Variants in GPR4 observed in about 807,000 individuals in gnomAD.
GPR4 encodes G protein-coupled receptor 4, also known as G-prodeshotein coupled receptor 4.
GPR4 carries 11 observed loss-of-function variants against 17.8 expected under a neutral mutation model. The observed-to-expected ratio is 0.62, with a 90% confidence interval of 0.39 to 1.02. GPR4 has a LOEUF of 1.02. Ranked by LOEUF, GPR4 falls within the 50% of genes least tolerant of loss-of-function variation. The probability of loss-of-function intolerance (pLI) is 0.00; values close to 1 mark genes in which losing one functional copy is unlikely to be tolerated. For synonymous variants in GPR4, 219 were observed against 222.8 expected (o/e 0.98, Z 0.15); for missense variants, 364 against 495.4 (o/e 0.73, Z 2.52).
intron 1 of GPR4, among the ~76,000 whole-genome samples, chr19:45,595,770 G>A (rs1404831464): frequency 1.3e-5 from 2 of 150,932 alleles, no homozygotes; most frequent in African/African-American, 4.9e-5. Flanking sequence ...ATCTTAACCA[G>A]AAACCAATCT....
chr19:45,600,719 G>A (rs1164907142), intron 1 of GPR4, among the ~76,000 whole-genome samples: 4 of 152,190 alleles, frequency 2.6e-5, no homozygotes, highest in Non-Finnish European at 5.9e-5. Context: ...TAAAATGGGG[G>A]CAGGGGGAGT....
chr19:45,601,617 T>C (rs1418932315), intron 1 of GPR4, among the ~76,000 whole-genome samples: 1 of 151,624 alleles, frequency 6.6e-6, no homozygotes, highest in Non-Finnish European at 1.5e-5. Context: ...AAAACAGTGT[T>C]ATAAGAGACG....
In GPR4 at chr19:45,590,043, C is replaced by T. The variant is rs923394073; in HGVS notation, c.*735G>A. ...TCATCCTCAGTCTTGACTTGGAGAT[C>T]GCTGTTTATCTAGAAACTTAGAATT... On this transcript the variant is annotated 3_prime_UTR_variant, in exon 2 of 2. Transcript: ENST00000323040. 6.6e-6 allele frequency: 1 copy of T among 152,226 alleles called. No homozygotes were observed. The highest frequency in any genetic ancestry group is 2.4e-5 in the African/African-American group (1 of 41,448). 9.4% of individuals were successfully genotyped at this position (152,226 alleles called of 1,614,324 possible). A position where few individuals can be genotyped will look rare whatever the true frequency, so the allele number is the denominator to read the frequency against.
rs112280477 is a variant in GPR4, at chr19:45,594,910, G to A, written c.-831-2213C>T. ...AGGCGAGAGGATTGCTTGAGCCCAG[G>A]AGGCAGAGGTTGCAGTGAGCTGAGA... On this transcript the variant is annotated intron_variant, in intron 1 of 1. Coordinates refer to ENST00000323040, the MANE Select transcript of GPR4 (RefSeq NM_005282.3). Among the ~76,000 whole-genome samples, 916 of 152,258 alleles carry A rather than the reference G, an allele frequency of 6.0e-3. 9 individuals are homozygous for A. Among genetic ancestry groups the A allele is most frequent in the African/African-American group, 0.02 (820 of 41,540 alleles).
chr19:45,597,808 C>CT (rs1970072726), intron 1 of GPR4, among the ~76,000 whole-genome samples: 1 of 152,076 alleles, frequency 6.6e-6, no homozygotes, highest in South Asian at 2.1e-4. Flanking sequence ...CAGGGGAGAG[C>CT]TGGAAAGGGC....
chr19:45,594,094 A>ATTTTATATATAT (rs1970032285), intron 1 of GPR4, among the ~76,000 whole-genome samples: 2 of 112,954 alleles, frequency 1.8e-5, no homozygotes, highest in Non-Finnish European at 1.6e-5. Context: ...ATATATATAT[A>ATTTTATATATAT]AAATAGATGC....
chr19:45,599,449 C>T (rs1970091667), intron 1 of GPR4, among the ~76,000 whole-genome samples: 1 of 151,692 alleles, frequency 6.6e-6, no homozygotes, highest in South Asian at 2.1e-4. Flanking sequence ...CGCCTTCTCC[C>T]TGCAGCCCCA....
chr19:45,593,492 CTG>C (rs1288513148), intron 1 of GPR4, among the ~76,000 whole-genome samples: 5 of 137,558 alleles, frequency 3.6e-5, no homozygotes, highest in Admixed American at 7.6e-5. Flanking sequence ...GAGTAAAACT[CTG>C]TCTCAAAAAA....
At position 45,591,807 on chromosome 19, in the gene GPR4, C is replaced by A. The variant is rs760707691; in HGVS notation, c.60G>T (p.Pro20=). Residue 20 remains proline (P), a synonymous_variant, in exon 2 of 2, where the codon CCG becomes CCT. Coordinates refer to ENST00000323040, the MANE Select transcript of GPR4 (RefSeq NM_005282.3). This position sits in a 1 kb window ranked among gnomAD's most constrained non-coding sequence, Gnocchi z 7.6. ...CGATGACAAAGATGTAGAGGGATGG[C>A]GGAAAGAGGTGGTCCACGCGCGAGT... ...HVDSRVDHLF[P]PSLYIFVIGV... 2 of 1,605,770 alleles carry A rather than the reference C, an allele frequency of 1.2e-6. No homozygotes were observed. Among genetic ancestry groups the A allele is most frequent in the Non-Finnish European group, 1.7e-6 (2 of 1,174,648 alleles).
chr19:45,599,931 G>A (rs919149610), intron 1 of GPR4, among the ~76,000 whole-genome samples: 1 of 151,876 alleles, frequency 6.6e-6, no homozygotes, highest in Non-Finnish European at 1.5e-5. Flanking sequence ...ATTATTAAAC[G>A]CTCAGTGATT....
chr19:45,594,046 T>TAAAAAA (rs1177623997), intron 1 of GPR4, among the ~76,000 whole-genome samples: 31 of 50,288 alleles, frequency 6.2e-4, no homozygotes, highest in African/African-American at 1.9e-3. Flanking sequence ...ATGCCTGGCT[T>TAAAAAA]AAAAAAAAAA....
chr19:45,601,731 G>A (rs1165635659), intron 1 of GPR4, among the ~76,000 whole-genome samples: 3 of 152,064 alleles, frequency 2.0e-5, no homozygotes, highest in Non-Finnish European at 4.4e-5. Context: ...GACATCCGCA[G>A]AGGTCCCACA....
intron 1 of GPR4, among the ~76,000 whole-genome samples, chr19:45,593,431 G>A (rs903365831): frequency 6.6e-5 from 10 of 150,420 alleles, no homozygotes; most frequent in South Asian, 4.2e-4. Flanking sequence ...ACCAAAAGGC[G>A]GAGGTTGCAG....
intron 1 of GPR4, among the ~76,000 whole-genome samples, chr19:45,600,314 G>C (rs906933120): frequency 1.3e-5 from 2 of 152,068 alleles, no homozygotes; most frequent in Admixed American, 1.3e-4. Context: ...CCCTGTCCCC[G>C]AGGGAACGGT....
At chr19:45,594,062 AAATAT>A (rs1417875592) in intron 1 of GPR4, among the ~76,000 whole-genome samples, 679 of 38,548 alleles carry the variant, frequency 0.018, 6 homozygotes, top group African/African-American at 0.051. Flanking sequence ...AAAAAAAAAA[AAATAT>A]ATATATATAT....
In GPR4 at chr19:45,594,736, A is replaced by C. The variant is rs80026701; in HGVS notation, c.-831-2039T>G. ...AGTGGCTCATGCCTGTAATCCCAGC[A>C]CTTTGGGAGGCCAAGGCGGGAGGAT... On this transcript the variant is annotated intron_variant, in intron 1 of 1. Transcript: ENST00000323040. Among the ~76,000 whole-genome samples the C allele has an allele frequency of 3.0e-5, 2 of 66,522 alleles. 1 individual carries two copies. Among genetic ancestry groups the C allele is most frequent in the African/African-American group, 1.2e-4 (2 of 16,322 alleles). 43.6% of individuals were successfully genotyped at this position (66,522 alleles called of 152,430 possible).
At chr19:45,596,893 G>A (rs529111776) in intron 1 of GPR4, among the ~76,000 whole-genome samples, 1 of 152,146 alleles carries the variant, frequency 6.6e-6, no homozygotes, top group African/African-American at 2.4e-5. Context: ...CTTCTGAATG[G>A]ACTTGCGGTA....
Position 45,591,915 on chromosome 19 carries a change from T to C in GPR4, c.-49A>G. 1 of 1,521,518 alleles carries C rather than the reference T, an allele frequency of 6.6e-7. No homozygotes were observed. Among genetic ancestry groups the C allele is most frequent in the Non-Finnish European group, 8.8e-7 (1 of 1,135,662 alleles). 94.3% of individuals were successfully genotyped at this position (1,521,518 alleles called of 1,614,324 possible). On this transcript the variant is annotated 5_prime_UTR_variant, in exon 2 of 2. Transcript: ENST00000323040. This position sits in a 1 kb window ranked among gnomAD's most constrained non-coding sequence, Gnocchi z 7.6. ...CGCTTCCCCTGGCCCACGGGGGCTG[T>C]GGGGCCACAGGGAGCGGGAGGCCAT...
rs780097987 is a variant in GPR4, at chr19:45,590,936, C to T, written c.931G>A (p.Asp311Asn). 1 of 1,614,038 alleles carries T rather than the reference C, an allele frequency of 6.2e-7. No individual in the cohort carries two copies. The highest frequency in any genetic ancestry group is 8.5e-7 in the Non-Finnish European group (1 of 1,180,020). ...LHNLLRFLAS[D>N]KPQEMANASL... ...GCATTGGCCATCTCCTGGGGCTTGTCGCTGGCCAGAAAGCGGAGCAGGTTG... is the reference window on the plus strand; with the variant it reads ...GCATTGGCCATCTCCTGGGGCTTGTTGCTGGCCAGAAAGCGGAGCAGGTTG... The change falls in exon 2 of 2, where the codon GAC (aspartate) becomes AAC (asparagine). Residue 311 changes from aspartate to asparagine, a missense_variant. By Grantham distance (23) the Asp-to-Asn change is conservative (BLOSUM62 1). Around this residue, in one of 3 missense-constraint regions of GPR4, gnomAD observed 92 missense variants for 106.0 expected, o/e 0.87. Transcript: ENST00000323040.
Sources: gnomAD v4.1 joint callset for allele counts (sites outside exome capture counted in the v4.1 genomes callset) on GRCh38, gnomAD v4.1.1 for gene constraint, gnomAD v4.1.1 regional missense constraint, Gnocchi (gnomAD v3.1) non-coding constraint, MANE v1.5 for transcripts, NCBI Gene and HGNC (gene_info 2026-07-23, HGNC 2026-07-21) for gene names.